Variants in SLC25A26 observed in about 807,000 individuals in gnomAD.
SLC25A26 encodes the protein solute carrier family 25 member 26, also known as mitochondrial S-adenosylmethionine carrier protein.
A neutral mutation model predicts 37.8 loss-of-function variants in SLC25A26; 36 were observed. That is an observed-to-expected ratio of 0.95 (90% CI 0.73 to 1.26). SLC25A26 has a LOEUF of 1.26. Ranked by LOEUF, SLC25A26 falls within the 50% of genes most tolerant of loss-of-function variation. SLC25A26 has a pLI of 0.00. For synonymous variants in SLC25A26, 129 were observed against 122.5 expected (o/e 1.05, Z -0.35); for missense variants, 390 against 331.1 (o/e 1.18, Z -1.38).
chr3:66,248,487 C>G (rs1340408452), intron 3 of SLC25A26, among the ~76,000 whole-genome samples: 2 of 152,274 alleles, frequency 1.3e-5, no homozygotes, highest in East Asian at 3.9e-4. Context: ...CTATAACATT[C>G]TAATGGTAGT....
At chr3:66,312,178 G>A (rs551893418) in intron 5 of SLC25A26, among the ~76,000 whole-genome samples, 1 of 152,200 alleles carries the variant, frequency 6.6e-6, no homozygotes, top group Admixed American at 6.5e-5. Flanking sequence ...CTTTCTGTCA[G>A]AGATGCCCTG....
intron 1 of SLC25A26, among the ~76,000 whole-genome samples, chr3:66,187,539 C>G (rs2070852725): frequency 6.6e-6 from 1 of 152,090 alleles, no homozygotes; most frequent in African/African-American, 2.4e-5. Context: ...TGCTATCACC[C>G]TGACTCTACC....
chr3:66,305,386 A>T (rs2075188337), intron 5 of SLC25A26, among the ~76,000 whole-genome samples: 1 of 152,206 alleles, frequency 6.6e-6, no homozygotes, highest in Non-Finnish European at 1.5e-5. Flanking sequence ...CCTGGTTAGG[A>T]TTTTAAAAGG....
intron 1 of SLC25A26, among the ~76,000 whole-genome samples, chr3:66,210,956 A>G (rs2071277292): frequency 6.6e-6 from 1 of 152,248 alleles, no homozygotes; most frequent in African/African-American, 2.4e-5. Flanking sequence ...ACTGAGAAAT[A>G]AAACATGTGA....
intron 9 of SLC25A26, 41 bp from the exon 10 acceptor site, chr3:66,377,649 T>A (rs199823743): frequency 1.1e-4 from 166 of 1,519,162 alleles, no homozygotes; most frequent in African/African-American, 6.9e-5. Flanking sequence ...AACCTTTTTT[T>A]AAAATACGCA....
chr3:66,375,355 A>G lies in SLC25A26; in HGVS notation c.708-2335A>G, dbSNP rs114622027. 4.6e-3 allele frequency among the ~76,000 whole-genome samples: 701 copies of G among 152,366 alleles called. 6 individuals carry two copies. The highest frequency in any genetic ancestry group is 0.016 in the African/African-American group (674 of 41,596). Reference sequence around the variant, plus strand: ...AGCTAAGATCATCGATGAAGGCACTAACACTAAACAACAGATTTTCAGGGT... The same window carrying G: ...AGCTAAGATCATCGATGAAGGCACTGACACTAAACAACAGATTTTCAGGGT... On this transcript the variant is annotated intron_variant, in intron 9 of 9. Transcript: ENST00000354883.
chr3:66,224,653 C>T lies in SLC25A26; in HGVS notation c.33+3526C>T, dbSNP rs140417955. On this transcript the variant is annotated intron_variant, in intron 1 of 9. Coordinates refer to ENST00000354883, the MANE Select transcript of SLC25A26 (RefSeq NM_001379210.1). Reference sequence around the variant, plus strand: ...CCTCACATTTCAAAACCAATCATGCCTTCTCAACAGTCCCCAAAGTCTTAA... The same window carrying T: ...CCTCACATTTCAAAACCAATCATGCTTTCTCAACAGTCCCCAAAGTCTTAA... Among the ~76,000 whole-genome samples, 149 of 152,306 alleles carry T rather than the reference C, an allele frequency of 9.8e-4. 1 individual carries two copies. The highest frequency in any genetic ancestry group is 3.5e-3 in the African/African-American group (146 of 41,556).
In SLC25A26 at chr3:66,196,852, G is replaced by T. The variant is rs897174841; in HGVS notation, c.-353-23890G>T. 3.3e-4 allele frequency among the ~76,000 whole-genome samples: 50 copies of T among 152,130 alleles called. No individual in the cohort carries two copies. In the South Asian group the frequency reaches 9.5e-3, roughly 29 times the overall value. ...ATAAGAGACACCTAGAGGACAGAAAGTTAAAAACCATCTGGGTCATTTTTT... is the reference window on the plus strand; with the variant it reads ...ATAAGAGACACCTAGAGGACAGAAATTTAAAAACCATCTGGGTCATTTTTT... On this transcript the variant is annotated intron_variant, in intron 1 of 10. Coordinates refer to the SLC25A26 transcript ENST00000676754.
At chr3:66,175,501 A>C (rs1190627624) in intron 1 of SLC25A26, among the ~76,000 whole-genome samples, 1 of 152,180 alleles carries the variant, frequency 6.6e-6, no homozygotes, top group African/African-American at 2.4e-5. Flanking sequence ...CTGGGATTAC[A>C]GGCATGAGCC....
chr3:66,138,122 C>T (rs549584558), intron 1 of SLC25A26, among the ~76,000 whole-genome samples: 4 of 152,322 alleles, frequency 2.6e-5, no homozygotes, highest in South Asian at 4.1e-4. Context: ...GCATGAGCCA[C>T]CATGATCGGC....
intron 1 of SLC25A26, among the ~76,000 whole-genome samples, chr3:66,197,620 A>T (rs1164582767): frequency 6.6e-6 from 1 of 152,128 alleles, no homozygotes; most frequent in African/African-American, 2.4e-5. Context: ...GTAATGTCAA[A>T]TGCAGGGTGA....
intron 5 of SLC25A26, 85 bp downstream of exon 5, chr3:66,263,464 A>T: frequency 2.4e-6 from 2 of 822,526 alleles, no homozygotes; most frequent in South Asian, 1.6e-5. Context: ...AATTAGAAAT[A>T]TATTTGGAGA....
chr3:66,176,941 C>A (rs375393962), intron 1 of SLC25A26, among the ~76,000 whole-genome samples: 2 of 152,302 alleles, frequency 1.3e-5, no homozygotes, highest in South Asian at 2.1e-4. Context: ...ATAATTAAGC[C>A]TGTTATCCTG....
At chr3:66,359,203 A>T (rs905411604) in intron 6 of SLC25A26, among the ~76,000 whole-genome samples, 2 of 152,184 alleles carry the variant, frequency 1.3e-5, no homozygotes, top group Non-Finnish European at 2.9e-5. Context: ...GCCCCCTGGC[A>T]ACCAATTTTT....
chr3:66,172,153 G>A (rs1366151710), intron 1 of SLC25A26, among the ~76,000 whole-genome samples: 1 of 152,060 alleles, frequency 6.6e-6, no homozygotes, highest in African/African-American at 2.4e-5. Context: ...GTTCACACCT[G>A]TAATCTTAGC....
chr3:66,352,818 T>C (rs1390870774), intron 6 of SLC25A26, among the ~76,000 whole-genome samples: 14 of 151,968 alleles, frequency 9.2e-5, no homozygotes, highest in Admixed American at 9.2e-4. Flanking sequence ...CTTTCCCCAT[T>C]ACTCAGGCCT....
chr3:66,217,197 T>C (rs937590508), upstream of SLC25A26, among the ~76,000 whole-genome samples: 551 of 152,312 alleles, frequency 3.6e-3, 3 homozygotes, highest in African/African-American at 0.013. Flanking sequence ...TTAATTTTAC[T>C]TCAAAGGATG....
intron 5 of SLC25A26, among the ~76,000 whole-genome samples, chr3:66,303,530 CTT>C (rs997980738): frequency 6.6e-6 from 1 of 152,184 alleles, no homozygotes; most frequent in African/African-American, 2.4e-5. Flanking sequence ...ACTTCTGAAA[CTT>C]TAACTGCCAG....
chr3:66,364,411 C>T (rs893797041), intron 7 of SLC25A26, among the ~76,000 whole-genome samples: 12 of 152,128 alleles, frequency 7.9e-5, no homozygotes, highest in Admixed American at 1.3e-4. Context: ...GCAGCACAGC[C>T]GGTGCTCCAG....
Sources: gnomAD v4.1 joint callset for allele counts (sites outside exome capture counted in the v4.1 genomes callset) on GRCh38, gnomAD v4.1.1 for gene constraint, MANE v1.5 for transcripts, NCBI Gene and HGNC (gene_info 2026-07-23, HGNC 2026-07-21) for gene names.